FSIP2: variants seen among roughly 807,000 people sequenced by gnomAD.
FSIP2 encodes fibrous sheath interacting protein 2.
FSIP2 carries 367 observed loss-of-function variants against 510.5 expected under a neutral mutation model. That is an observed-to-expected ratio of 0.72 (90% confidence interval 0.66 to 0.78). FSIP2 has a LOEUF of 0.78. Among genes scored for constraint, FSIP2 ranks in the 30% least tolerant of loss-of-function variants. FSIP2 has a pLI of 0.00. For synonymous variants in FSIP2, 2,601 were observed against 2,732.2 expected, an observed-to-expected ratio of 0.95 and a Z score of 1.50; for missense variants, 7,594 against 7,901.7, an observed-to-expected ratio of 0.96 and a Z score of 1.48.
chr2:185,745,613 C>G (rs1362828651), intron 5 of FSIP2, 45 bp downstream of exon 5: 1 of 1,468,954 alleles, frequency 6.8e-7, no homozygotes, highest in Non-Finnish European at 9.0e-7. Context: ...GTTGTGGACC[C>G]AAATAAGCTG....
chr2:185,804,911 C>T lies in FSIP2; in HGVS notation c.15605C>T (p.Ser5202Phe), dbSNP rs771525624. Residue 5202 changes from serine to phenylalanine, a missense_variant, in exon 17 of 23, where the codon TCT becomes TTT. Physicochemically the swap from Ser to Phe is radical, Grantham distance 155. Transcript: ENST00000424728. ...ATATGTAATAATATTTTGAAAACAT[C>T]TGAATTCCAAGCTGAAGTACAAAAA... The part of the protein sequence containing the change: ...DSICNNILKT[S>F]EFQAEVQKDA... The T allele has an allele frequency of 1.3e-6, 2 of 1,524,934 alleles. No homozygotes were observed. Among genetic ancestry groups the T allele is most frequent in the South Asian group, 2.4e-5 (2 of 82,120 alleles). The allele number at this position is 1,524,934 out of a possible 1,614,324, so 94.5% of individuals were successfully genotyped here. A position where few individuals can be genotyped will look rare whatever the true frequency, so the allele number is the denominator to read the frequency against.
At chr2:185,784,108 C>T (rs534625065) in intron 14 of FSIP2, 3 of 152,140 alleles carry the variant, frequency 2.0e-5, no homozygotes, top group Non-Finnish European at 4.4e-5. Context: ...TCTTTTCTCA[C>T]TTATTGCTTA....
chr2:185,763,262 G>A lies in FSIP2; in HGVS notation c.1320G>A (p.Gln440=), dbSNP rs1692392590. The change falls in exon 12 of 23, where the codon CAG becomes CAA. Residue 440 remains glutamine, a synonymous_variant. Coordinates refer to ENST00000424728, the MANE Select transcript of FSIP2 (RefSeq NM_173651.4). ...SPTRNFSRVS[Q]AFLDPSKEEK... ...CGAGAAATTTTTCCAGAGTTTCACA[G>A]GCATTTTTGGATCCTTCAAAAGAAG... is the stretch of plus-strand genomic sequence containing the variant. 8 of 1,501,082 alleles carry A rather than the reference G, an allele frequency of 5.3e-6. No individual in the cohort carries two copies. Among genetic ancestry groups the A allele is most frequent in the Non-Finnish European group, 7.2e-6 (8 of 1,115,614 alleles). The allele number at this position is 1,501,082 out of a possible 1,614,324, so 93.0% of individuals were successfully genotyped here. A position where few individuals can be genotyped will look rare whatever the true frequency, so the allele number is the denominator to read the frequency against.
At chr2:185,775,957 C>A (rs763220848) in intron 13 of FSIP2, among the ~76,000 whole-genome samples, 12 of 152,212 alleles carry the variant, frequency 7.9e-5, no homozygotes, top group Non-Finnish European at 1.6e-4. Flanking sequence ...GCCATCGCAC[C>A]TGGCCAGGTT....
intron 20 of FSIP2, among the ~76,000 whole-genome samples, chr2:185,825,102 A>G (rs1395299083): frequency 6.6e-6 from 1 of 151,822 alleles, no homozygotes; most frequent in African/African-American, 2.4e-5. Context: ...CCACAAGTTT[A>G]TCATGACTAT....
chr2:185,821,481 A>G (rs1376817725), intron 19 of FSIP2, among the ~76,000 whole-genome samples: 2 of 151,976 alleles, frequency 1.3e-5, no homozygotes, highest in Non-Finnish European at 2.9e-5. Flanking sequence ...CTGCAAGAAA[A>G]CACTACAGAA....
rs577619189 is a variant in FSIP2 at position 185,797,445 on chromosome 2, A to G, written c.10309A>G (p.Met3437Val). 1.3e-6 allele frequency: 2 copies of G among 1,531,370 alleles called. No individual in the cohort carries two copies. Among genetic ancestry groups the G allele is most frequent in the Admixed American group, 4.0e-5 (2 of 50,026 alleles). 94.9% of individuals were successfully genotyped at this position (1,531,370 alleles called of 1,614,324 possible). A position where few individuals can be genotyped will look rare whatever the true frequency, so the allele number is the denominator to read the frequency against. The change falls in exon 16 of 23, where the codon ATG (methionine) becomes GTG (valine). Residue 3437 changes from methionine (M) to valine (V), a missense_variant. Met to Val is a conservative substitution (Grantham distance 21). Coordinates refer to ENST00000424728, the MANE Select transcript of FSIP2 (RefSeq NM_173651.4). ...VEAFTFADHEMGSNEVHLIAR... is the reference protein window; with the variant it reads ...VEAFTFADHEVGSNEVHLIAR... ...AGCCTTTACTTTTGCTGATCATGAA[A>G]TGGGTTCCAATGAAGTTCATCTGAT... is the stretch of plus-strand genomic sequence containing the variant.
rs138135058 is a variant in FSIP2 at position 185,807,753 on chromosome 2, C to A, written c.18447C>A (p.Ile6149=). The A allele has an allele frequency of 6.2e-7, 1 of 1,612,116 alleles. No homozygotes were observed. Among genetic ancestry groups the A allele is most frequent in the Admixed American group, 1.7e-5 (1 of 59,752 alleles). The part of the protein sequence containing the change: ...TPHQCVEVEN[I]VEKILKDVFQ... ...ATCAGTGTGTGGAAGTTGAAAACATCGTTGAAAAGATCCTTAAAGATGTTT... is the reference window on the plus strand; with the variant it reads ...ATCAGTGTGTGGAAGTTGAAAACATAGTTGAAAAGATCCTTAAAGATGTTT... Residue 6149 remains isoleucine (I), a synonymous_variant, in exon 17 of 23, where the codon ATC becomes ATA. Coordinates refer to ENST00000424728, the MANE Select transcript of FSIP2 (RefSeq NM_173651.4).
At chr2:185,760,505 TATA>T (rs1405168106) in intron 9 of FSIP2, among the ~76,000 whole-genome samples, 1 of 147,354 alleles carries the variant, frequency 6.8e-6, no homozygotes, top group Non-Finnish European at 1.5e-5. Context: ...TTATATTTAT[TATA>T]ATAAAATAAT....
intron 7 of FSIP2, 123 bp downstream of exon 7, chr2:185,747,546 A>G (rs1692058962): frequency 7.5e-6 from 4 of 531,444 alleles, no homozygotes; most frequent in South Asian, 5.8e-5. Flanking sequence ...TATGCATGAT[A>G]TAAAACTGCA....
chr2:185,830,958 C>T (rs913209166), intron 21 of FSIP2, among the ~76,000 whole-genome samples: 12 of 151,894 alleles, frequency 7.9e-5, no homozygotes, highest in African/African-American at 2.9e-4. Context: ...AGAATCAGTA[C>T]TTTACATTGT....
intron 13 of FSIP2, among the ~76,000 whole-genome samples, chr2:185,773,164 G>C (rs934054909): frequency 2.0e-5 from 3 of 152,046 alleles, no homozygotes; most frequent in Non-Finnish European, 4.4e-5. Context: ...GCCAGGCCCA[G>C]AGCATTTCTT....
chr2:185,780,800 A>C (rs1208230745), intron 13 of FSIP2, among the ~76,000 whole-genome samples: 1 of 152,142 alleles, frequency 6.6e-6, no homozygotes, highest in Non-Finnish European at 1.5e-5. Context: ...TAATATTTGG[A>C]TAGGTTGTAA....
intron 19 of FSIP2, among the ~76,000 whole-genome samples, chr2:185,819,488 A>G (rs540054193): frequency 1.3e-5 from 2 of 151,928 alleles, no homozygotes; most frequent in Non-Finnish European, 2.9e-5. Flanking sequence ...GTTGAAAGTG[A>G]AAGAATGGAA....
intron 13 of FSIP2, among the ~76,000 whole-genome samples, chr2:185,770,503 T>C (rs1281345066): frequency 6.6e-6 from 1 of 152,138 alleles, no homozygotes; most frequent in Non-Finnish European, 1.5e-5. Context: ...TGCCACGCTC[T>C]TAAACAATCA....
rs1168588599 is a variant in FSIP2 at position 185,743,147 on chromosome 2, T to C, written c.240T>C (p.Ser80=). Residue 80 remains serine, a synonymous_variant, in exon 3 of 23, where the codon TCT becomes TCC. Coordinates refer to ENST00000424728, the MANE Select transcript of FSIP2 (RefSeq NM_173651.4). The part of the protein sequence containing the change: ...TNFGEKLFRP[S]YGFNLTDPYC... The stretch of plus-strand genomic sequence containing the variant: ...TGTGTTTGCAGCTTTTTCGACCTTC[T>C]TATGGTTTTAACCTGACTGATCCCT... 1 of 1,488,548 alleles carries C rather than the reference T, an allele frequency of 6.7e-7. No individual in the cohort carries two copies. Among genetic ancestry groups the C allele is most frequent in the Admixed American group, 2.6e-5 (1 of 38,594 alleles). 92.2% of individuals were successfully genotyped at this position (1,488,548 alleles called of 1,614,324 possible).
chr2:185,776,650 A>T (rs1300981169), intron 13 of FSIP2, among the ~76,000 whole-genome samples: 2 of 152,192 alleles, frequency 1.3e-5, no homozygotes, highest in African/African-American at 4.8e-5. Flanking sequence ...CTTTATAGCA[A>T]AATATGTGAT....
In FSIP2 at chr2:185,796,783, A is replaced by T; in HGVS notation, c.9647A>T (p.Asp3216Val). The change falls in exon 16 of 23, where the codon GAC becomes GTC. Residue 3216 changes from aspartate to valine, a missense_variant. Physicochemically the swap from Asp to Val is radical, Grantham distance 152 (BLOSUM62 -3). Transcript: ENST00000424728. ...ACCTCTGTCAGATCCTCTGTAGAAG[A>T]CACAGTTAAAAACTCAGAGCCAACG... ...LPTSVRSSVE[D>V]TVKNSEPTKR... is the part of the protein sequence containing the mutation. The T allele has an allele frequency of 2.6e-6, 4 of 1,535,142 alleles. No homozygotes were observed. The highest frequency in any genetic ancestry group is 3.5e-6 in the Non-Finnish European group (4 of 1,146,284).
Position 185,807,542 on chromosome 2 carries a change from A to T in FSIP2, c.18236A>T (p.Glu6079Val). ...GAAACCTTACAATCTGATGATGATG[A>T]AATTATTCAATTAGTGGTTCAGTCT... ...YVETLQSDDD[E>V]IIQLVVQSVY... Residue 6079 changes from glutamate to valine, a missense_variant, in exon 17 of 23, where the codon GAA (glutamate) becomes GTA (valine). Glu to Val is a moderately radical substitution (Grantham distance 121). Coordinates refer to ENST00000424728, the MANE Select transcript of FSIP2 (RefSeq NM_173651.4). The T allele has an allele frequency of 6.2e-7, 1 of 1,611,442 alleles. No individual in the cohort carries two copies. Among genetic ancestry groups the T allele is most frequent in the South Asian group, 1.1e-5 (1 of 90,772 alleles).
Sources: gnomAD v4.1 joint callset for allele counts (sites outside exome capture counted in the v4.1 genomes callset) on GRCh38, gnomAD v4.1.1 for gene constraint, MANE v1.5 for transcripts, NCBI Gene and HGNC (gene_info 2026-07-23, HGNC 2026-07-21) for gene names.